Variants in REPS2 observed in about 807,000 individuals in gnomAD.
REPS2 encodes RALBP1 associated Eps domain containing 2.
In REPS2, 23 loss-of-function variants were observed where a neutral mutation model predicts 53.6. That is an observed-to-expected ratio of 0.43 (90% CI 0.31 to 0.61). The LOEUF is 0.61. Ranked by LOEUF, REPS2 falls within the 20% of genes least tolerant of loss-of-function variation. The probability of loss-of-function intolerance (pLI) is 0.11; values close to 1 mark genes in which losing one functional copy is unlikely to be tolerated. For synonymous variants in REPS2, 238 were observed against 218.6 expected (o/e 1.09, Z -0.78); for missense variants, 446 against 534.9 (o/e 0.83, Z 1.64).
intron 14 of REPS2, among the ~76,000 whole-genome samples, chrX:17,123,281 C>T (rs975172599): frequency 1.8e-5 from 2 of 111,917 alleles, no homozygotes; most frequent in Non-Finnish European, 3.8e-5. Context: ...TATAATATGG[C>T]TTTAGGTATG....
chrX:17,141,847 G>T (rs758886094), intron 17 of REPS2, among the ~76,000 whole-genome samples: 1 of 112,289 alleles, frequency 8.9e-6, no homozygotes, highest in Non-Finnish European at 1.9e-5. Flanking sequence ...GTAGTCTATA[G>T]ATTTATTACA....
chrX:17,056,159 G>T (rs749020183), intron 8 of REPS2, among the ~76,000 whole-genome samples: 1 of 111,927 alleles, frequency 8.9e-6, no homozygotes, highest in East Asian at 2.8e-4. Flanking sequence ...GCTGATCTGG[G>T]TAAGTGTGTA....
chrX:16,955,229 C>G (rs1201942903), intron 1 of REPS2, among the ~76,000 whole-genome samples: 1 of 111,263 alleles, frequency 9.0e-6, no homozygotes, highest in Admixed American at 9.6e-5. Flanking sequence ...TTATTCATAC[C>G]TATCTGTTGG....
At chrX:17,165,055 A>C in the REPS2 span, among the ~76,000 whole-genome samples, 1 of 110,204 alleles carries the variant, frequency 9.1e-6, no homozygotes, top group Non-Finnish European at 1.9e-5. Flanking sequence ...ACCACCACAC[A>C]CACACACATA....
chrX:17,054,685 G>T (rs1244411228), intron 7 of REPS2, 123 bp from the exon 8 acceptor site: 2 of 693,812 alleles, frequency 2.9e-6, no homozygotes, highest in Non-Finnish European at 4.2e-6. Flanking sequence ...GATTTGGCTA[G>T]GAGGGTTTGG....
intron 4 of REPS2, among the ~76,000 whole-genome samples, chrX:17,028,498 A>T (rs1231729529): frequency 1.8e-5 from 2 of 112,005 alleles, no homozygotes; most frequent in African/African-American, 6.5e-5. Context: ...AATCTACTTG[A>T]TGGGTTGCCA....
the REPS2 span, among the ~76,000 whole-genome samples, chrX:17,168,533 C>T: frequency 1.4e-3 from 160 of 111,128 alleles, 1 homozygote; most frequent in South Asian, 4.0e-4. Flanking sequence ...CATAGCTTCT[C>T]AGGGATCTCT....
intron 13 of REPS2, among the ~76,000 whole-genome samples, chrX:17,083,642 A>G (rs748642424): frequency 2.7e-5 from 3 of 112,038 alleles, no homozygotes; most frequent in Non-Finnish European, 3.8e-5. Context: ...CTTGGGAGTA[A>G]GAGATGTTCC....
the REPS2 span, among the ~76,000 whole-genome samples, chrX:17,171,511 C>T: frequency 9.0e-6 from 1 of 111,455 alleles, no homozygotes; most frequent in Non-Finnish European, 1.9e-5. Context: ...AATATCTGAA[C>T]ATATATGCCA....
At chrX:17,056,019 C>CAA (rs1331356576) in intron 8 of REPS2, among the ~76,000 whole-genome samples, 1 of 108,282 alleles carries the variant, frequency 9.2e-6, no homozygotes. Flanking sequence ...AACAAACAAA[C>CAA]AAAAAAAAAA....
the REPS2 span, among the ~76,000 whole-genome samples, chrX:17,175,296 T>C: frequency 2.7e-5 from 3 of 112,515 alleles, no homozygotes; most frequent in Non-Finnish European, 5.6e-5. Context: ...TATGGGCACA[T>C]TAAATGCATA....
At chrX:17,016,930 C>T (rs2061505806) in intron 2 of REPS2, among the ~76,000 whole-genome samples, 1 of 110,640 alleles carries the variant, frequency 9.0e-6, no homozygotes, top group Non-Finnish European at 1.9e-5. Context: ...ACAATGGGCC[C>T]ACACTGGAAA....
the REPS2 span, among the ~76,000 whole-genome samples, chrX:17,194,950 A>T: frequency 8.9e-6 from 1 of 112,138 alleles, no homozygotes; most frequent in African/African-American, 3.2e-5. Flanking sequence ...CATGGCATGG[A>T]TTATAAGAAG....
chrX:17,108,007 C>G (rs963738829), intron 14 of REPS2, among the ~76,000 whole-genome samples: 1 of 110,979 alleles, frequency 9.0e-6, no homozygotes, highest in African/African-American at 3.3e-5. Context: ...CCTTGACCTC[C>G]CAGGCTCAAG....
intron 16 of REPS2, chrX:17,136,813 G>T (rs2063373981): frequency 9.0e-6 from 1 of 111,289 alleles, no homozygotes; most frequent in Non-Finnish European, 1.9e-5. Context: ...TTCCCCCTCA[G>T]CCCCTGGCAA....
At chrX:17,098,759 G>A (rs1334699369) in intron 13 of REPS2, among the ~76,000 whole-genome samples, 1 of 111,013 alleles carries the variant, frequency 9.0e-6, no homozygotes, top group South Asian at 3.8e-4. Context: ...GCCACCAATG[G>A]TTTCAGAGTT....
chrX:16,959,956 C>T (rs2060640350), intron 1 of REPS2, among the ~76,000 whole-genome samples: 2 of 111,751 alleles, frequency 1.8e-5, no homozygotes, highest in Admixed American at 1.9e-4. Context: ...CCAAATTTAA[C>T]AACACCTCAA....
At chrX:17,069,581 C>G (rs1431896103) in intron 10 of REPS2, among the ~76,000 whole-genome samples, 1 of 111,762 alleles carries the variant, frequency 8.9e-6, no homozygotes, top group African/African-American at 3.3e-5. Flanking sequence ...AATATTGAAG[C>G]CTGGATTTCA....
At chrX:16,983,800 C>G (rs1053267395) in intron 1 of REPS2, among the ~76,000 whole-genome samples, 6 of 112,720 alleles carry the variant, frequency 5.3e-5, no homozygotes, top group African/African-American at 1.9e-4. Flanking sequence ...CCACCATGCC[C>G]GGCCCTCCAT....
Sources: allele counts gnomAD v4.1 joint callset (sites outside exome capture counted in the v4.1 genomes callset), GRCh38; gene constraint gnomAD v4.1.1; transcripts MANE v1.5; gene names NCBI Gene and HGNC (gene_info 2026-07-23, HGNC 2026-07-21).